Variants in GRM8 observed in about 807,000 individuals in gnomAD.
The protein encoded by GRM8 is glutamate metabotropic receptor 8.
In GRM8, 47 loss-of-function variants were observed where a neutral mutation model predicts 87.2. The observed-to-expected ratio is 0.54, with a 90% CI of 0.43 to 0.69. The LOEUF (loss-of-function observed/expected upper bound fraction) is 0.69, where lower values mean the gene tolerates loss of function less well. Among genes scored for constraint, GRM8 ranks in the 30% least tolerant of loss-of-function variants. The probability of loss-of-function intolerance (pLI) is 0.00; values close to 1 mark genes in which losing one functional copy is unlikely to be tolerated. For synonymous variants in GRM8, 396 were observed against 404.5 expected (o/e 0.98, Z 0.25); for missense variants, 1,019 against 1,139.2 (o/e 0.89, Z 1.52).
intron 7 of GRM8, among the ~76,000 whole-genome samples, chr7:126,738,514 A>AAG (rs1252018569): frequency 6.6e-6 from 1 of 151,306 alleles, no homozygotes; most frequent in East Asian, 1.9e-4. Context: ...TGAGAAACTC[A>AAG]AGAGAAGAAA....
At chr7:126,862,540 T>G (rs1012769665) in intron 6 of GRM8, among the ~76,000 whole-genome samples, 1 of 152,054 alleles carries the variant, frequency 6.6e-6, no homozygotes, top group Admixed American at 6.6e-5. Flanking sequence ...ATACTTTTCT[T>G]AACTTTATTG....
chr7:127,029,825 G>A (rs1487024451), intron 3 of GRM8, among the ~76,000 whole-genome samples: 1 of 151,906 alleles, frequency 6.6e-6, no homozygotes, highest in Non-Finnish European at 1.5e-5. Flanking sequence ...CTCCTTGTTA[G>A]ATAAAGTTCC....
At chr7:126,884,274 C>T (rs1800282706) in intron 6 of GRM8, among the ~76,000 whole-genome samples, 1 of 152,014 alleles carries the variant, frequency 6.6e-6, no homozygotes, top group Non-Finnish European at 1.5e-5. Flanking sequence ...AAATGTCATT[C>T]ACCTGTGAAT....
chr7:126,925,253 C>T (rs1357491382), intron 3 of GRM8, among the ~76,000 whole-genome samples: 5 of 152,162 alleles, frequency 3.3e-5, no homozygotes, highest in Non-Finnish European at 7.4e-5. Context: ...GGGCATAAAA[C>T]TGTGAAAAAT....
At chr7:127,069,742 GA>G (rs1381222091) in intron 3 of GRM8, among the ~76,000 whole-genome samples, 1 of 152,228 alleles carries the variant, frequency 6.6e-6, no homozygotes, top group African/African-American at 2.4e-5. Context: ...AAATGAAGCA[GA>G]AATATGGTGT....
chr7:126,760,174 T>C (rs1393998790), intron 7 of GRM8, among the ~76,000 whole-genome samples: 3 of 152,174 alleles, frequency 2.0e-5, no homozygotes, highest in African/African-American at 4.8e-5. Flanking sequence ...CTCTCCAGGA[T>C]TTATCATTCA....
rs73231220 is a variant in GRM8 at position 127,171,536 on chromosome 7, G to A, written c.511-64824C>T. ...AGCCATCCCAACCTTAAGCAACCAC[G>A]ACCCTGATTAGTCAGTAGCCATCAA... On this transcript the variant is annotated intron_variant, in intron 2 of 10. Transcript: ENST00000339582. Among the ~76,000 whole-genome samples, 616 of 152,222 alleles carry A rather than the reference G, an allele frequency of 4.0e-3. 4 individuals carry two copies. The highest frequency in any genetic ancestry group is 3.9e-3 in the Non-Finnish European group (267 of 68,010).
At chr7:126,737,951 G>C (rs1158054516) in intron 7 of GRM8, among the ~76,000 whole-genome samples, 4 of 152,112 alleles carry the variant, frequency 2.6e-5, no homozygotes, top group African/African-American at 9.7e-5. Flanking sequence ...AGCCTTTCTA[G>C]AGGTGACTTT....
chr7:126,983,813 C>T (rs1168691423), intron 3 of GRM8, among the ~76,000 whole-genome samples: 1 of 152,130 alleles, frequency 6.6e-6, no homozygotes, highest in Non-Finnish European at 1.5e-5. Flanking sequence ...TGGGTCACTC[C>T]ACCAGGAAAA....
At chr7:126,894,495 G>C (rs760491349) in intron 6 of GRM8, among the ~76,000 whole-genome samples, 4 of 152,022 alleles carry the variant, frequency 2.6e-5, no homozygotes, top group Non-Finnish European at 4.4e-5. Flanking sequence ...TCTGTAGTGT[G>C]AGCATTTTTC....
chr7:126,531,289 C>A (rs1032796573), intron 9 of GRM8, among the ~76,000 whole-genome samples: 30 of 152,214 alleles, frequency 2.0e-4, no homozygotes, highest in Non-Finnish European at 3.1e-4. Flanking sequence ...TTTCTTTAGC[C>A]TTTTTCACAT....
intron 7 of GRM8, among the ~76,000 whole-genome samples, chr7:126,625,217 T>G (rs953158714): frequency 6.6e-6 from 1 of 152,206 alleles, no homozygotes; most frequent in African/African-American, 2.4e-5. Flanking sequence ...AGATTGTCCT[T>G]AAGAGTTAAT....
intron 7 of GRM8, among the ~76,000 whole-genome samples, chr7:126,692,487 T>C (rs1808935991): frequency 1.3e-5 from 2 of 152,160 alleles, no homozygotes; most frequent in Admixed American, 1.3e-4. Context: ...GTGTTAAAAA[T>C]GTTGAGAATG....
intron 7 of GRM8, among the ~76,000 whole-genome samples, chr7:126,690,438 G>T (rs1808679258): frequency 6.6e-6 from 1 of 152,200 alleles, no homozygotes; most frequent in Non-Finnish European, 1.5e-5. Context: ...ACCACAAGCA[G>T]TTTCCACGGC....
chr7:126,705,121 G>A lies in GRM8; in HGVS notation c.1357+64744C>T, dbSNP rs144019099. Among the ~76,000 whole-genome samples, 1,223 of 152,088 alleles carry A rather than the reference G, an allele frequency of 8.0e-3. 17 individuals are homozygous for A. Among genetic ancestry groups the A allele is most frequent in the African/African-American group, 0.017 (710 of 41,474 alleles). ...TGTCCCTTTATTTCTCAATCCGGCCGATGCTTAGGGAAAATAGAAAAGAAC... is the reference window on the plus strand; with the variant it reads ...TGTCCCTTTATTTCTCAATCCGGCCAATGCTTAGGGAAAATAGAAAAGAAC... On this transcript the variant is annotated intron_variant, in intron 7 of 10. Coordinates refer to ENST00000339582, the MANE Select transcript of GRM8 (RefSeq NM_000845.3).
intron 6 of GRM8, among the ~76,000 whole-genome samples, chr7:126,785,052 T>C (rs1381710125): frequency 2.0e-5 from 3 of 152,146 alleles, no homozygotes; most frequent in Non-Finnish European, 4.4e-5. Context: ...AGGTGACTTT[T>C]CCAGGCTGGA....
intron 7 of GRM8, among the ~76,000 whole-genome samples, chr7:126,680,462 G>C (rs1187419113): frequency 6.6e-6 from 1 of 152,102 alleles, no homozygotes; most frequent in Admixed American, 6.5e-5. Flanking sequence ...ATTATATAAA[G>C]TTTGTTTTGC....
chr7:126,762,610 C>T (rs1325536075), intron 7 of GRM8, among the ~76,000 whole-genome samples: 1 of 151,732 alleles, frequency 6.6e-6, no homozygotes, highest in Non-Finnish European at 1.5e-5. Flanking sequence ...AATAACTAGG[C>T]AGTATTTTCT....
At chr7:126,986,993 G>A (rs769425865) in intron 3 of GRM8, among the ~76,000 whole-genome samples, 15 of 152,146 alleles carry the variant, frequency 9.9e-5, no homozygotes, top group South Asian at 4.2e-4. Context: ...GGAAAACTGC[G>A]CGTAAAAGAA....
Sources: gnomAD v4.1 joint callset for allele counts (sites outside exome capture counted in the v4.1 genomes callset) on GRCh38, gnomAD v4.1.1 for gene constraint, MANE v1.5 for transcripts, NCBI Gene and HGNC (gene_info 2026-07-23, HGNC 2026-07-21) for gene names.